Variants in KCNH1 observed in about 807,000 individuals in gnomAD.
KCNH1 encodes the protein voltage-gated delayed rectifier potassium channel KCNH1.
KCNH1 carries 27 observed loss-of-function variants against 69.2 expected under a neutral mutation model. The observed-to-expected ratio is 0.39, with a 90% CI of 0.29 to 0.54. KCNH1 has a LOEUF of 0.54. Ranked by LOEUF, KCNH1 falls within the 20% of genes least tolerant of loss-of-function variation. The pLI is 0.68. For synonymous variants in KCNH1, 456 were observed against 487.7 expected, an observed-to-expected ratio of 0.93 and a Z score of 0.86; for missense variants, 798 against 1,261.6, an observed-to-expected ratio of 0.63 and a Z score of 5.57.
chr1:210,748,447 G>C (rs1683211850), intron 10 of KCNH1, among the ~76,000 whole-genome samples: 1 of 152,156 alleles, frequency 6.6e-6, no homozygotes, highest in South Asian at 2.1e-4. Context: ...AAATCCTTAA[G>C]ATTTATTTTA....
chr1:211,083,530 T>C (rs749730226), intron 4 of KCNH1, among the ~76,000 whole-genome samples: 1 of 152,158 alleles, frequency 6.6e-6, no homozygotes, highest in Non-Finnish European at 1.5e-5. Context: ...GATGTCTGAG[T>C]GATCTTGACA....
At position 210,682,300 on chromosome 1, in the gene KCNH1, T is replaced by TAAAC. The variant is rs1345274186; in HGVS notation, c.*977_*980dup. Reference sequence around the variant, plus strand: ...GGCAATCCCAATGAGAATCAAAGTATAAACATAGCACTTGCTACAGTTCTG... The same window carrying TAAAC: ...GGCAATCCCAATGAGAATCAAAGTATAAACAAACATAGCACTTGCTACAGTTCTG... On this transcript the variant is annotated 3_prime_UTR_variant, in exon 11 of 11. Transcript: ENST00000271751. 6.6e-6 allele frequency: 1 copy of TAAAC among 152,214 alleles called. No individual in the cohort carries two copies. The highest frequency in any genetic ancestry group is 2.4e-5 in the African/African-American group (1 of 41,442). The allele number at this position is 152,214 out of a possible 1,614,324, so 9.4% of individuals were successfully genotyped here. A position where few individuals can be genotyped will look rare whatever the true frequency, so the allele number is the denominator to read the frequency against.
intron 1 of KCNH1, among the ~76,000 whole-genome samples, chr1:211,115,043 A>C (rs1171232456): frequency 6.6e-6 from 1 of 151,974 alleles, no homozygotes; most frequent in Non-Finnish European, 1.5e-5. Flanking sequence ...ATCTCGGCTC[A>C]CTGCAACCTC....
rs139318016 is a variant in KCNH1, at chr1:210,683,879, C to A, written c.2372G>T (p.Arg791Leu). 4 of 1,613,962 alleles carry A rather than the reference C, an allele frequency of 2.5e-6. No homozygotes were observed. In the African/African-American group the frequency reaches 4.0e-5, roughly 16 times the overall value. ...GGATACGGGCGTGGCAGGACTCTCACGCACGGTGACCACGCTGGCCTTCAC... is the reference window on the plus strand; with the variant it reads ...GGATACGGGCGTGGCAGGACTCTCAAGCACGGTGACCACGCTGGCCTTCAC... ...SLVKASVVTVRESPATPVSFQ... is the reference protein window; with the variant it reads ...SLVKASVVTVLESPATPVSFQ... The change falls in exon 11 of 11, where the codon CGT becomes CTT. Residue 791 changes from arginine to leucine, a missense_variant. By Grantham distance (102) the Arg-to-Leu change is moderately radical. Transcript: ENST00000271751. This position sits in a 1 kb window ranked among gnomAD's most constrained non-coding sequence, Gnocchi z 5.7.
intron 6 of KCNH1, among the ~76,000 whole-genome samples, chr1:211,009,053 A>T (rs1322424377): frequency 6.6e-6 from 1 of 152,218 alleles, no homozygotes; most frequent in Non-Finnish European, 1.5e-5. Flanking sequence ...AAGTACCCCA[A>T]GGCCAGCAAG....
chr1:210,987,368 A>G (rs1688860613), intron 6 of KCNH1, among the ~76,000 whole-genome samples: 1 of 152,118 alleles, frequency 6.6e-6, no homozygotes, highest in Non-Finnish European at 1.5e-5. Context: ...TCTGCTTTTT[A>G]GAGTTTCCAG....
At chr1:211,024,610 T>C (rs1020604001) in intron 5 of KCNH1, among the ~76,000 whole-genome samples, 1 of 152,144 alleles carries the variant, frequency 6.6e-6, no homozygotes, top group East Asian at 1.9e-4. Context: ...AATAATAATC[T>C]GATGCATGTT....
At chr1:210,798,810 G>T (rs1246683644) in intron 8 of KCNH1, among the ~76,000 whole-genome samples, 1 of 152,158 alleles carries the variant, frequency 6.6e-6, no homozygotes, top group Non-Finnish European at 1.5e-5. Context: ...GAAATGACAT[G>T]ATCTACTGAT....
Position 210,797,728 on chromosome 1 carries a change from G to T in KCNH1, c.1695C>A (p.Ala565=), listed in dbSNP as rs779603628. The T allele has an allele frequency of 6.2e-7, 1 of 1,613,956 alleles. No homozygotes were observed. Among genetic ancestry groups the T allele is most frequent in the South Asian group, 1.1e-5 (1 of 91,072 alleles). Residue 565 remains alanine (A), a synonymous_variant, in exon 9 of 11, where the codon GCC becomes GCA. Transcript: ENST00000271751. The stretch of plus-strand genomic sequence containing the variant: ...TGCGGTTCAGGTGCACGCAGATGTC[G>T]GCTCTCATGTCCTTGGGGCAGATCT... ...VLQICPKDMR[A]DICVHLNRKV...
chr1:210,689,399 G>C (rs983303120), intron 10 of KCNH1, among the ~76,000 whole-genome samples: 18 of 152,322 alleles, frequency 1.2e-4, no homozygotes, highest in African/African-American at 3.6e-4. Context: ...CAGCACGCAT[G>C]GGGGAAAGGC....
At chr1:210,969,766 G>A (rs12082952) in intron 6 of KCNH1, among the ~76,000 whole-genome samples, 1 of 151,730 alleles carries the variant, frequency 6.6e-6, no homozygotes, top group Non-Finnish European at 1.5e-5. Context: ...TTCATCTTTA[G>A]CTTCCTCCTA....
At chr1:210,855,544 G>T (rs2102472556) in intron 7 of KCNH1, among the ~76,000 whole-genome samples, 1 of 152,292 alleles carries the variant, frequency 6.6e-6, no homozygotes, top group East Asian at 1.9e-4. Flanking sequence ...CCTTCTTTAG[G>T]CTGGCAACTA....
intron 7 of KCNH1, among the ~76,000 whole-genome samples, chr1:210,870,711 T>G (rs1485666118): frequency 6.6e-6 from 1 of 152,208 alleles, no homozygotes; most frequent in African/African-American, 2.4e-5. Context: ...CAGAGGGAGA[T>G]GAGAACTGGT....
At chr1:210,904,885 GA>G (rs916843878) in intron 7 of KCNH1, among the ~76,000 whole-genome samples, 4 of 152,122 alleles carry the variant, frequency 2.6e-5, no homozygotes, top group Admixed American at 1.3e-4. Flanking sequence ...GCTCAGAAAA[GA>G]ACACCTAGCT....
chr1:210,864,951 AATTTCTT>A (rs1686072884), intron 7 of KCNH1, among the ~76,000 whole-genome samples: 2 of 152,204 alleles, frequency 1.3e-5, no homozygotes, highest in African/African-American at 2.4e-5. Flanking sequence ...TGGCTCTTTG[AATTTCTT>A]TACAGAATGG....
chr1:210,967,585 C>T (rs947569388), intron 6 of KCNH1, among the ~76,000 whole-genome samples: 5 of 152,012 alleles, frequency 3.3e-5, no homozygotes, highest in Non-Finnish European at 5.9e-5. Context: ...GTGATGCTAC[C>T]TTTATTCTTC....
intron 10 of KCNH1, 69 bp downstream of exon 10, chr1:210,775,279 G>T: frequency 7.4e-7 from 1 of 1,351,544 alleles, no homozygotes; most frequent in Non-Finnish European, 1.0e-6. Context: ...GGACTTTTCT[G>T]GTCACAGTGA....
At chr1:210,796,358 A>T (rs1030128536) in intron 9 of KCNH1, among the ~76,000 whole-genome samples, 4 of 152,168 alleles carry the variant, frequency 2.6e-5, no homozygotes, top group African/African-American at 9.7e-5. Flanking sequence ...GTAAGTTTAA[A>T]ATGAGTATCT....
intron 5 of KCNH1, among the ~76,000 whole-genome samples, chr1:211,078,842 C>G (rs1484216826): frequency 2.8e-5 from 4 of 145,200 alleles, no homozygotes; most frequent in Non-Finnish European, 4.5e-5. Context: ...GGCGTGAACC[C>G]GGGAGGCAGA....
Sources: gnomAD v4.1 joint callset for allele counts (sites outside exome capture counted in the v4.1 genomes callset) on GRCh38, gnomAD v4.1.1 for gene constraint, Gnocchi (gnomAD v3.1) non-coding constraint, MANE v1.5 for transcripts, NCBI Gene and HGNC (gene_info 2026-07-23, HGNC 2026-07-21) for gene names.